The following DCHS2 variants were observed in gnomAD, a reference collection of about 807,000 sequenced individuals.
The protein encoded by DCHS2 is dachsous cadherin-related 2.
A neutral mutation model predicts 182.4 loss-of-function variants in DCHS2; 142 were observed. The ratio of observed to expected loss-of-function variants is 0.78; its 90% confidence interval spans 0.68 to 0.89. The LOEUF (loss-of-function observed/expected upper bound fraction) is 0.89. Ranked by LOEUF, DCHS2 falls within the 40% of genes least tolerant of loss-of-function variation. The pLI is 0.00. For synonymous variants in DCHS2, 1,740 were observed against 1,663.3 expected (o/e 1.05, Z -1.12); for missense variants, 4,319 against 4,198.6 (o/e 1.03, Z -0.79).
intron 6 of DCHS2, 131 bp from the exon 7 acceptor site, chr4:154,328,323 T>C: frequency 3.5e-6 from 2 of 564,780 alleles, no homozygotes; most frequent in Non-Finnish European, 6.0e-6. Flanking sequence ...ATAATTCAAA[T>C]GCATACCATG....
intron 1 of DCHS2, among the ~76,000 whole-genome samples, chr4:154,453,389 T>G (rs1350780068): frequency 6.6e-6 from 1 of 151,648 alleles, no homozygotes; most frequent in Non-Finnish European, 1.5e-5. Context: ...TAGGAAATCA[T>G]AAAGATTTTT....
intron 1 of DCHS2, among the ~76,000 whole-genome samples, chr4:154,382,960 C>G (rs1731239164): frequency 6.6e-6 from 1 of 151,902 alleles, no homozygotes; most frequent in Non-Finnish European, 1.5e-5. Context: ...AAAGAACTAC[C>G]ATTCGAACAA....
Position 154,491,338 on chromosome 4 carries a change from C to T in DCHS2, c.18G>A (p.Arg6=), listed in dbSNP as rs1054548739. The T allele has an allele frequency of 1.3e-6, 2 of 1,541,576 alleles. No homozygotes were observed. Among genetic ancestry groups the T allele is most frequent in the Non-Finnish European group, 1.8e-6 (2 of 1,140,812 alleles). ...GCTGCTGACGCCCTTCGCCCATCTT[C>T]CGCCCACAAGGGCTCATTTCTCCTC... is the stretch of plus-strand genomic sequence containing the variant. MSPCG[R]KMGEGRQQRR... Residue 6 remains arginine (R), a synonymous_variant, in exon 1 of 20, where the codon CGG becomes CGA. Coordinates refer to ENST00000357232, the MANE Select transcript of DCHS2 (RefSeq NM_001358235.2).
chr4:154,391,847 A>G (rs1402278327), intron 1 of DCHS2, among the ~76,000 whole-genome samples: 3 of 152,192 alleles, frequency 2.0e-5, no homozygotes, highest in Non-Finnish European at 2.9e-5. Flanking sequence ...CTAAAGCTCA[A>G]TTCCTTTTGA....
intron 17 of DCHS2, among the ~76,000 whole-genome samples, chr4:154,241,457 G>A (rs1258963497): frequency 6.6e-6 from 1 of 152,094 alleles, no homozygotes; most frequent in African/African-American, 2.4e-5. Context: ...TTACAAAATA[G>A]ATGAAATGTT....
chr4:154,360,637 A>G (rs369627410), intron 3 of DCHS2, among the ~76,000 whole-genome samples: 17 of 152,148 alleles, frequency 1.1e-4, no homozygotes, highest in African/African-American at 4.1e-4. Flanking sequence ...AAGAATTACA[A>G]GAATCATTAC....
chr4:154,235,798 C>G lies in DCHS2; in HGVS notation c.8854G>C (p.Asp2952His), dbSNP rs1731451922. Residue 2952 changes from aspartate to histidine, a missense_variant, in exon 20 of 20, where the codon GAC becomes CAC. Coordinates refer to ENST00000357232, the MANE Select transcript of DCHS2 (RefSeq NM_001358235.2). Reference sequence around the variant, plus strand: ...GCGATTATTTTCATTTCCAAGGTGTCTTCTTTGTTGAGTTGACTTTTTATT... The same window carrying G: ...GCGATTATTTTCATTTCCAAGGTGTGTTCTTTGTTGAGTTGACTTTTTATT... ...PLIKSQLNKE[D>H]TLEMKIIAHS... 5 of 1,613,876 alleles carry G rather than the reference C, an allele frequency of 3.1e-6. No individual in the cohort carries two copies. In the East Asian group the frequency reaches 1.1e-4, roughly 36 times the overall value.
intron 1 of DCHS2, among the ~76,000 whole-genome samples, chr4:154,397,309 G>T (rs1451134303): frequency 2.0e-5 from 3 of 152,126 alleles, no homozygotes; most frequent in Non-Finnish European, 4.4e-5. Context: ...CTGAGTGATT[G>T]TTTTCTCTAT....
intron 1 of DCHS2, among the ~76,000 whole-genome samples, chr4:154,423,671 T>C (rs1733202084): frequency 6.6e-6 from 1 of 152,248 alleles, no homozygotes; most frequent in Non-Finnish European, 1.5e-5. Flanking sequence ...TGGTACATTG[T>C]AGCAATAATT....
intron 3 of DCHS2, among the ~76,000 whole-genome samples, chr4:154,346,384 G>A (rs941597616): frequency 6.6e-6 from 1 of 152,140 alleles, no homozygotes; most frequent in Non-Finnish European, 1.5e-5. Context: ...ATTAATGAAG[G>A]AATTCCTCTA....
In DCHS2 at chr4:154,490,639, G is replaced by A. The variant is rs1031549361; in HGVS notation, c.717C>T (p.Ser239=). 4.5e-6 allele frequency: 7 copies of A among 1,550,936 alleles called. No homozygotes were observed. Among genetic ancestry groups the A allele is most frequent in the African/African-American group, 2.7e-5 (2 of 73,052 alleles). Residue 239 remains serine, a synonymous_variant, in exon 1 of 20, where the codon TCC becomes TCT. Transcript: ENST00000357232. ...GATCTAGAGGCTCCAGGGGTGACGAGGAGCCTGGCAAAAGCGGTGACGGTA... is the reference window on the plus strand; with the variant it reads ...GATCTAGAGGCTCCAGGGGTGACGAAGAGCCTGGCAAAAGCGGTGACGGTA... ...GPLPSPLLPG[S]SSPLEPLDLV... is the part of the protein sequence containing the mutation.
At chr4:154,405,028 C>T (rs1732340223) in intron 1 of DCHS2, among the ~76,000 whole-genome samples, 1 of 152,152 alleles carries the variant, frequency 6.6e-6, no homozygotes, top group South Asian at 2.1e-4. Flanking sequence ...GGCTGGATCA[C>T]CTGAGGTCAG....
At chr4:154,322,227 AT>A in intron 8 of DCHS2, 103 bp downstream of exon 8, 2 of 1,442,316 alleles carry the variant, frequency 1.4e-6, no homozygotes, top group Non-Finnish European at 1.9e-6. Context: ...ATACATACAT[AT>A]TCATATACAT....
At chr4:154,377,136 G>T in intron 2 of DCHS2, 117 bp downstream of exon 2, 1 of 952,464 alleles carries the variant, frequency 1.0e-6, no homozygotes, top group Non-Finnish European at 1.5e-6. Flanking sequence ...AAGGAAAGAG[G>T]TAGTGACACA....
chr4:154,357,584 T>C (rs1729933694), intron 3 of DCHS2, among the ~76,000 whole-genome samples: 1 of 152,160 alleles, frequency 6.6e-6, no homozygotes, highest in Admixed American at 6.5e-5. Flanking sequence ...CAAGCTTTTG[T>C]CTCCTTACAG....
intron 1 of DCHS2, among the ~76,000 whole-genome samples, chr4:154,393,109 CT>C (rs1444234020): frequency 2.0e-5 from 3 of 152,134 alleles, no homozygotes; most frequent in Non-Finnish European, 4.4e-5. Flanking sequence ...AATACATTAA[CT>C]TAACAAATGG....
intron 1 of DCHS2, among the ~76,000 whole-genome samples, chr4:154,452,403 C>T (rs1254199326): frequency 6.6e-6 from 1 of 152,008 alleles, no homozygotes; most frequent in Non-Finnish European, 1.5e-5. Flanking sequence ...GCGGGTGGAT[C>T]GCCTGGGGTC....
chr4:154,262,554 G>A (rs563100005), intron 14 of DCHS2, among the ~76,000 whole-genome samples: 1 of 152,226 alleles, frequency 6.6e-6, no homozygotes, highest in South Asian at 2.1e-4. Flanking sequence ...GAAAAAAATG[G>A]TAGTAACATT....
At chr4:154,271,545 A>G (rs4461508) in intron 13 of DCHS2, among the ~76,000 whole-genome samples, 131,069 of 152,108 alleles carry the variant, frequency 0.86, 57,253 homozygotes, top group East Asian at 0.97. Flanking sequence ...AAGGCAAACC[A>G]GGTAGGGCAG....
Sources: gnomAD v4.1 joint callset for allele counts (sites outside exome capture counted in the v4.1 genomes callset) on GRCh38, gnomAD v4.1.1 for gene constraint, MANE v1.5 for transcripts, NCBI Gene and HGNC (gene_info 2026-07-23, HGNC 2026-07-21) for gene names.